The following LGSN variants were observed in gnomAD, a reference collection of about 807,000 sequenced individuals.
LGSN encodes the protein lengsin, lens protein with glutamine synthetase domain, also known as lengsin.
In LGSN, 21 loss-of-function variants were observed where a neutral mutation model predicts 19.5. The observed-to-expected ratio is 1.07, with a 90% CI of 0.76 to 1.55. The LOEUF (loss-of-function observed/expected upper bound fraction) is 1.55, where lower values mean the gene tolerates loss of function less well. Ranked by LOEUF, LGSN falls within the 40% of genes most tolerant of loss-of-function variation. The pLI, the probability that LGSN is intolerant of heterozygous loss-of-function variation, is 0.00. For missense variants in LGSN, 673 were observed against 608.5 expected, an observed-to-expected ratio of 1.11 and a Z score of -1.12; for synonymous variants, 257 against 215.6, an observed-to-expected ratio of 1.19 and a Z score of -1.68.
chr6:63,527,781 A>C, the LGSN span: 1 of 152,184 alleles, frequency 6.6e-6, no homozygotes, highest in African/African-American at 2.4e-5. Flanking sequence ...GATAACAGTG[A>C]TGAGCTCACC....
chr6:63,513,890 A>G, the LGSN span, among the ~76,000 whole-genome samples: 1 of 146,640 alleles, frequency 6.8e-6, no homozygotes, highest in African/African-American at 2.5e-5. Flanking sequence ...CAGCCTGGGC[A>G]ACAGAGCGAG....
the LGSN span, among the ~76,000 whole-genome samples, chr6:63,420,046 CAA>C: frequency 6.7e-6 from 1 of 149,860 alleles, no homozygotes; most frequent in Non-Finnish European, 1.5e-5. Context: ...ACTAAAAATA[CAA>C]AAAAATTAGC....
chr6:63,491,841 G>A, the LGSN span, among the ~76,000 whole-genome samples: 1 of 152,052 alleles, frequency 6.6e-6, no homozygotes, highest in Non-Finnish European at 1.5e-5. Flanking sequence ...GACCAGCCTG[G>A]CCATGGTGAA....
chr6:63,452,184 G>A, the LGSN span, among the ~76,000 whole-genome samples: 12 of 151,138 alleles, frequency 7.9e-5, no homozygotes, highest in African/African-American at 2.4e-4. Flanking sequence ...TAAATCAAAT[G>A]TTTGGTAGGT....
chr6:63,451,097 A>T, the LGSN span, among the ~76,000 whole-genome samples: 2 of 152,290 alleles, frequency 1.3e-5, no homozygotes, highest in East Asian at 3.9e-4. Context: ...CAGCTAAATG[A>T]AAAAAAGACA....
At chr6:63,396,418 T>G in the LGSN span, 4 of 200,488 alleles carry the variant, frequency 2.0e-5, no homozygotes, top group South Asian at 3.6e-4. Context: ...GACCTCAAGA[T>G]GCTGCTGCCT....
chr6:63,490,006 C>T, the LGSN span, among the ~76,000 whole-genome samples: 12 of 152,156 alleles, frequency 7.9e-5, no homozygotes, highest in South Asian at 2.1e-4. Flanking sequence ...CTGCACCTGG[C>T]GCCTGTATTT....
At chr6:63,441,553 G>A in the LGSN span, 1 of 427,682 alleles carries the variant, frequency 2.3e-6, no homozygotes. Context: ...GAGGCAGCAG[G>A]GTTGGAAGTA....
At chr6:63,525,379 C>T in the LGSN span, among the ~76,000 whole-genome samples, 4 of 152,144 alleles carry the variant, frequency 2.6e-5, no homozygotes, top group South Asian at 2.1e-4. Flanking sequence ...AGAGAACAGA[C>T]GGGAGGAAGG....
the LGSN span, among the ~76,000 whole-genome samples, chr6:63,423,183 C>G: frequency 6.6e-6 from 1 of 151,900 alleles, no homozygotes. Flanking sequence ...CCTGTCTCTA[C>G]AAAAAATAAA....
chr6:63,436,168 T>C, the LGSN span, among the ~76,000 whole-genome samples: 1 of 152,236 alleles, frequency 6.6e-6, no homozygotes, highest in Non-Finnish European at 1.5e-5. Flanking sequence ...CTTTTTTCCT[T>C]ATATCACTTT....
chr6:63,563,573 T>C, the LGSN span, among the ~76,000 whole-genome samples: 1 of 152,264 alleles, frequency 6.6e-6, no homozygotes, highest in Non-Finnish European at 1.5e-5. Flanking sequence ...ATATATTCTA[T>C]GCTTATTTAC....
chr6:63,426,834 T>C, the LGSN span, among the ~76,000 whole-genome samples: 2 of 152,078 alleles, frequency 1.3e-5, no homozygotes, highest in Admixed American at 6.6e-5. Context: ...GTTTTAAATT[T>C]TCCTTTATTA....
chr6:63,479,261 A>C, the LGSN span, among the ~76,000 whole-genome samples: 1 of 152,124 alleles, frequency 6.6e-6, no homozygotes, highest in Non-Finnish European at 1.5e-5. Context: ...AAATTTAAGT[A>C]CTCTTAGGCA....
chr6:63,326,129 G>C, the LGSN span, among the ~76,000 whole-genome samples: 9 of 152,230 alleles, frequency 5.9e-5, no homozygotes, highest in East Asian at 1.5e-3. Flanking sequence ...CACCAGAGTA[G>C]CTAGATACAG....
chr6:63,307,321 A>G (rs555841639), intron 1 of LGSN, among the ~76,000 whole-genome samples: 4 of 152,264 alleles, frequency 2.6e-5, no homozygotes, highest in African/African-American at 7.2e-5. Flanking sequence ...CAAAGCTCAG[A>G]TTTGAACCCA....
At chr6:63,437,078 G>T in the LGSN span, among the ~76,000 whole-genome samples, 1 of 140,284 alleles carries the variant, frequency 7.1e-6, no homozygotes, top group Non-Finnish European at 1.6e-5. Context: ...AAGGGGAGGG[G>T]AGGGGAAGGG....
chr6:63,412,529 G>GAAGGAAGGAAGGAAA, the LGSN span, among the ~76,000 whole-genome samples: 4 of 32,378 alleles, frequency 1.2e-4, no homozygotes, highest in Non-Finnish European at 1.7e-4. Flanking sequence ...AAAGAAAGAA[G>GAAGGAAGGAAGGAAA]GAAAGAAAGA....
chr6:63,378,043 A>G, the LGSN span, among the ~76,000 whole-genome samples: 1 of 151,434 alleles, frequency 6.6e-6, no homozygotes, highest in Non-Finnish European at 1.5e-5. Flanking sequence ...TGAAAAAAAA[A>G]AAAAAAAAGA....
Sources: allele counts gnomAD v4.1 joint callset (sites outside exome capture counted in the v4.1 genomes callset), GRCh38; gene constraint gnomAD v4.1.1; transcripts MANE v1.5; gene names NCBI Gene and HGNC (gene_info 2026-07-23, HGNC 2026-07-21).